The following DPYD variants were observed in gnomAD, a reference collection of about 807,000 sequenced individuals.
The protein encoded by DPYD is dihydropyrimidine dehydrogenase.
Under a neutral mutation model 116.2 loss-of-function variants are expected in DPYD, and 109 were observed. The ratio of observed to expected loss-of-function variants is 0.94; its 90% CI spans 0.80 to 1.10. The LOEUF (loss-of-function observed/expected upper bound fraction) is 1.10. Among genes scored for constraint, DPYD ranks in the 50% least tolerant of loss-of-function variants. The pLI, the probability that DPYD is intolerant of heterozygous loss-of-function variation, is 0.00. For synonymous variants in DPYD, 440 were observed against 432.0 expected, an observed-to-expected ratio of 1.02 and a Z score of -0.23; for missense variants, 1,302 against 1,254.5, an observed-to-expected ratio of 1.04 and a Z score of -0.57.
chr1:97,863,612 C>T lies in DPYD; in HGVS notation c.150+19652G>A, dbSNP rs540649087. Among the ~76,000 whole-genome samples the T allele has an allele frequency of 1.2e-4, 18 of 151,796 alleles. 1 individual carries two copies. In the South Asian group the frequency reaches 3.7e-3, roughly 32 times the overall value. The stretch of plus-strand genomic sequence containing the variant: ...TAATGGAATAGATCAATATGTACTG[C>T]CCACAAATCAGTTAAATTCTGCCTT... On this transcript the variant is annotated intron_variant, in intron 2 of 22. Transcript: ENST00000370192.
chr1:97,875,165 G>T (rs186991750), intron 2 of DPYD, among the ~76,000 whole-genome samples: 4 of 151,980 alleles, frequency 2.6e-5, no homozygotes, highest in African/African-American at 9.6e-5. Context: ...TTAGTGTCAA[G>T]AATTGCCCTG....
intron 12 of DPYD, among the ~76,000 whole-genome samples, chr1:97,522,973 A>G (rs1648795690): frequency 6.6e-6 from 1 of 152,196 alleles, no homozygotes; most frequent in South Asian, 2.1e-4. Flanking sequence ...ATGCTATGAA[A>G]TTGAGGAATC....
intron 3 of DPYD, among the ~76,000 whole-genome samples, chr1:97,825,806 C>A (rs1028061666): frequency 1.3e-5 from 2 of 151,974 alleles, no homozygotes; most frequent in Non-Finnish European, 2.9e-5. Flanking sequence ...CGGATGGTCC[C>A]ATAGCCAAGC....
chr1:97,195,638 A>G (rs188446150), intron 19 of DPYD, among the ~76,000 whole-genome samples: 509 of 2,800 alleles, frequency 0.18, 8 homozygotes, highest in East Asian at 0.45. Flanking sequence ...GTATGTGTAT[A>G]TATATATATA....
At chr1:97,725,822 G>A (rs1478470273) in intron 4 of DPYD, among the ~76,000 whole-genome samples, 1 of 151,708 alleles carries the variant, frequency 6.6e-6, no homozygotes, top group East Asian at 1.9e-4. Context: ...CTGGGGGTCT[G>A]AGAGGGAATG....
chr1:97,467,771 A>G (rs566603523), intron 13 of DPYD, among the ~76,000 whole-genome samples: 117 of 152,342 alleles, frequency 7.7e-4, no homozygotes, highest in African/African-American at 2.7e-3. Context: ...CATTTAGAAA[A>G]ATAGAAATCA....
intron 16 of DPYD, among the ~76,000 whole-genome samples, chr1:97,316,566 T>TAACATAACA (rs1409048778): frequency 6.6e-6 from 1 of 151,384 alleles, no homozygotes; most frequent in Non-Finnish European, 1.5e-5. Flanking sequence ...TAAAATATCA[T>TAACATAACA]TCATTGAGAG....
chr1:97,818,382 T>C (rs1668743070), intron 3 of DPYD, among the ~76,000 whole-genome samples: 1 of 152,042 alleles, frequency 6.6e-6, no homozygotes, highest in African/African-American at 2.4e-5. Context: ...ACTGATTTCA[T>C]TTTTTCTACT....
chr1:97,815,145 T>C (rs1668535903), intron 3 of DPYD, among the ~76,000 whole-genome samples: 1 of 152,028 alleles, frequency 6.6e-6, no homozygotes, highest in African/African-American at 2.4e-5. Context: ...CAGATCCAGA[T>C]ATCACCTTTG....
chr1:97,529,438 A>T (rs79390450), intron 12 of DPYD, among the ~76,000 whole-genome samples: 13,138 of 152,244 alleles, frequency 0.086, 682 homozygotes, highest in South Asian at 0.1. Context: ...TTGTTATTTA[A>T]ATATTAATAT....
chr1:97,800,676 A>C (rs1667803106), intron 3 of DPYD, among the ~76,000 whole-genome samples: 1 of 151,832 alleles, frequency 6.6e-6, no homozygotes, highest in Non-Finnish European at 1.5e-5. Context: ...TAGTGCTGCC[A>C]CCATCTCTGT....
chr1:97,910,194 T>A (rs1186636374), intron 1 of DPYD, among the ~76,000 whole-genome samples: 1 of 152,148 alleles, frequency 6.6e-6, no homozygotes, highest in Non-Finnish European at 1.5e-5. Context: ...GAAATTTTTT[T>A]TACTATTGTT....
At chr1:97,525,054 G>GA (rs1186019680) in intron 12 of DPYD, among the ~76,000 whole-genome samples, 1 of 152,120 alleles carries the variant, frequency 6.6e-6, no homozygotes, top group African/African-American at 2.4e-5. Context: ...CAGTCTGTCA[G>GA]AAAAATCTAT....
intron 8 of DPYD, among the ~76,000 whole-genome samples, chr1:97,661,451 T>C (rs1444287579): frequency 1.3e-5 from 2 of 152,172 alleles, no homozygotes; most frequent in East Asian, 3.8e-4. Context: ...TCCCCTACTT[T>C]AGGAGAATAC....
chr1:97,400,087 T>G (rs200409981), intron 14 of DPYD, among the ~76,000 whole-genome samples: 1 of 152,058 alleles, frequency 6.6e-6, no homozygotes, highest in East Asian at 1.9e-4. Flanking sequence ...CTGTGGGTTT[T>G]TCATAAGTAG....
chr1:97,784,010 C>G (rs1368337738), intron 3 of DPYD, among the ~76,000 whole-genome samples: 1 of 152,160 alleles, frequency 6.6e-6, no homozygotes, highest in Non-Finnish European at 1.5e-5. Context: ...GGAAACTACA[C>G]TGGCAGTATT....
At chr1:97,287,408 C>T (rs1405455524) in intron 18 of DPYD, among the ~76,000 whole-genome samples, 1 of 152,144 alleles carries the variant, frequency 6.6e-6, no homozygotes, top group African/African-American at 2.4e-5. Context: ...GCAGTCTGCC[C>T]CTTCTCAGAT....
intron 20 of DPYD, among the ~76,000 whole-genome samples, chr1:97,188,914 ACCAAACT>A (rs1028223065): frequency 6.6e-6 from 1 of 152,172 alleles, no homozygotes; most frequent in Non-Finnish European, 1.5e-5. Flanking sequence ...TGTTATTTTT[ACCAAACT>A]CAATTCACAC....
chr1:97,370,599 G>T (rs1444465458), intron 16 of DPYD, among the ~76,000 whole-genome samples: 2 of 152,078 alleles, frequency 1.3e-5, no homozygotes, highest in African/African-American at 4.8e-5. Flanking sequence ...TTTAAAAAGA[G>T]CAACACAATA....
Sources: allele counts gnomAD v4.1 joint callset (sites outside exome capture counted in the v4.1 genomes callset), GRCh38; gene constraint gnomAD v4.1.1; transcripts MANE v1.5; gene names NCBI Gene and HGNC (gene_info 2026-07-23, HGNC 2026-07-21).